Variants in MECOM observed in about 807,000 individuals in gnomAD.
The protein encoded by MECOM is histone-lysine N-methyltransferase MECOM.
A neutral mutation model predicts 116.3 loss-of-function variants in MECOM; 13 were observed. The ratio of observed to expected loss-of-function variants is 0.11; its 90% CI spans 0.07 to 0.18. MECOM has a LOEUF of 0.18. MECOM is among the 10% of genes least tolerant of loss of function. The pLI, the probability that MECOM is intolerant of heterozygous loss-of-function variation, is 1.00. For missense variants in MECOM, 1,299 were observed against 1,509.0 expected (o/e 0.86, Z 2.31); for synonymous variants, 528 against 535.2 (o/e 0.99, Z 0.19).
At chr3:169,393,162 C>A (rs564922604) in intron 1 of MECOM, among the ~76,000 whole-genome samples, 1 of 152,252 alleles carries the variant, frequency 6.6e-6, no homozygotes, top group African/African-American at 2.4e-5. Flanking sequence ...ATCCAAACCA[C>A]AATATTTACC....
chr3:169,527,515 TA>T (rs1326913573), intron 1 of MECOM, among the ~76,000 whole-genome samples: 4 of 152,244 alleles, frequency 2.6e-5, no homozygotes, highest in Non-Finnish European at 1.5e-5. Context: ...GGCTTTTACA[TA>T]CGGTGCATAA....
At chr3:169,180,794 G>GAGATAGATATATATATAT (rs1553760969) in intron 2 of MECOM, among the ~76,000 whole-genome samples, 1 of 108,718 alleles carries the variant, frequency 9.2e-6, no homozygotes, top group African/African-American at 3.2e-5. Context: ...GTGTGGAGAT[G>GAGATAGATATATATATAT]ATATATATAT....
At chr3:169,108,001 T>C in intron 9 of MECOM, 49 bp from the exon 10 acceptor site, 1 of 1,504,884 alleles carries the variant, frequency 6.6e-7, no homozygotes, top group Non-Finnish European at 9.2e-7. Context: ...TGTGTTGGTA[T>C]CTTTATTGCA....
intron 1 of MECOM, among the ~76,000 whole-genome samples, chr3:169,653,549 G>A (rs914692256): frequency 3.3e-5 from 5 of 152,116 alleles, no homozygotes; most frequent in Admixed American, 6.5e-5. Context: ...GTACAGTATG[G>A]GTAGATTTAC....
intron 1 of MECOM, among the ~76,000 whole-genome samples, chr3:169,586,500 A>T (rs1765793410): frequency 6.6e-6 from 1 of 152,180 alleles, no homozygotes; most frequent in Non-Finnish European, 1.5e-5. Context: ...TCCTTAAGGA[A>T]TAGGTGATCA....
chr3:169,319,928 A>C (rs888529902), intron 2 of MECOM, among the ~76,000 whole-genome samples: 2 of 152,246 alleles, frequency 1.3e-5, no homozygotes, highest in Non-Finnish European at 2.9e-5. Context: ...TTAGAGGTGG[A>C]GAAGGAGCTT....
intron 2 of MECOM, among the ~76,000 whole-genome samples, chr3:169,292,853 T>C (rs901429248): frequency 2.0e-5 from 3 of 152,162 alleles, no homozygotes; most frequent in African/African-American, 7.2e-5. Context: ...ATATTCAATT[T>C]AGAGGCATGT....
intron 2 of MECOM, chr3:169,144,955 T>C (rs1259039624): frequency 1.3e-6 from 2 of 1,504,290 alleles, no homozygotes; most frequent in Non-Finnish European, 1.8e-6. Flanking sequence ...TTGCATAGAA[T>C]TCAGGCAATC....
intron 2 of MECOM, among the ~76,000 whole-genome samples, chr3:169,197,293 A>G (rs1748546325): frequency 6.6e-6 from 1 of 151,790 alleles, no homozygotes; most frequent in African/African-American, 2.4e-5. Context: ...ACAAACCTGC[A>G]CAAGTACTCC....
intron 2 of MECOM, chr3:169,149,595 C>G (rs764178703): frequency 1.2e-5 from 5 of 424,520 alleles, no homozygotes; most frequent in Non-Finnish European, 2.4e-5. Context: ...CCTTCCGCCT[C>G]GCCCGCCGTT....
intron 1 of MECOM, among the ~76,000 whole-genome samples, chr3:169,621,747 ACT>A (rs1000919889): frequency 1.2e-4 from 18 of 152,196 alleles, no homozygotes; most frequent in African/African-American, 4.1e-4. Flanking sequence ...ATAGAGTGAG[ACT>A]CTGTCTCAAA....
intron 1 of MECOM, among the ~76,000 whole-genome samples, chr3:169,436,271 A>G (rs1175305828): frequency 2.3e-5 from 3 of 131,284 alleles, no homozygotes; most frequent in Non-Finnish European, 4.7e-5. Flanking sequence ...TTTTTTTGAG[A>G]CAGAGTTTCG....
chr3:169,308,248 T>G (rs1019653632), intron 2 of MECOM, among the ~76,000 whole-genome samples: 3 of 152,206 alleles, frequency 2.0e-5, no homozygotes, highest in African/African-American at 7.2e-5. Context: ...ACCAAGTTAC[T>G]TAGAGAAGGT....
chr3:169,351,811 C>T (rs1726388274), intron 2 of MECOM, among the ~76,000 whole-genome samples: 1 of 151,804 alleles, frequency 6.6e-6, no homozygotes, highest in Non-Finnish European at 1.5e-5. Context: ...TCCTACCACC[C>T]CCATCTTCAT....
chr3:169,585,524 T>C (rs1765680319), intron 1 of MECOM, among the ~76,000 whole-genome samples: 1 of 152,218 alleles, frequency 6.6e-6, no homozygotes, highest in South Asian at 2.1e-4. Context: ...ATTTCGCCTC[T>C]ACCTCACCAA....
intron 2 of MECOM, among the ~76,000 whole-genome samples, chr3:169,171,878 A>G (rs1245983976): frequency 6.6e-6 from 1 of 152,098 alleles, no homozygotes; most frequent in African/African-American, 2.4e-5. Flanking sequence ...TGACTCTAAC[A>G]AAATAGAAAG....
At chr3:169,298,812 G>C (rs1296083739) in intron 2 of MECOM, among the ~76,000 whole-genome samples, 2 of 152,198 alleles carry the variant, frequency 1.3e-5, no homozygotes, top group Non-Finnish European at 2.9e-5. Flanking sequence ...CCTGCAGGAT[G>C]ACCGAATGTG....
chr3:169,233,185 G>T (rs894213418), intron 2 of MECOM, among the ~76,000 whole-genome samples: 5 of 152,114 alleles, frequency 3.3e-5, no homozygotes, highest in Non-Finnish European at 5.9e-5. Flanking sequence ...TGCCTTTGAA[G>T]GATTCTCTTT....
At chr3:169,477,133 A>G (rs1750597163) in intron 1 of MECOM, 1 of 95,390 alleles carries the variant, frequency 1.0e-5, no homozygotes, top group South Asian at 3.4e-4. Context: ...ATATATATAT[A>G]TATATATATA....
Sources: allele counts gnomAD v4.1 joint callset (sites outside exome capture counted in the v4.1 genomes callset), GRCh38; gene constraint gnomAD v4.1.1; transcripts MANE v1.5; gene names NCBI Gene and HGNC (gene_info 2026-07-23, HGNC 2026-07-21).